Variants in GLIS3 observed in about 807,000 individuals in gnomAD.
GLIS3 encodes the protein GLIS family zinc finger 3, also known as zinc finger protein GLIS3.
A neutral mutation model predicts 78.6 loss-of-function variants in GLIS3; 53 were observed. The observed-to-expected ratio is 0.67, with a 90% CI of 0.54 to 0.85. The LOEUF is 0.85. Among genes scored for constraint, GLIS3 ranks in the 40% least tolerant of loss-of-function variants. The pLI, the probability that GLIS3 is intolerant of heterozygous loss-of-function variation, is 0.00. For synonymous variants in GLIS3, 684 were observed against 509.9 expected (o/e 1.34, Z -4.60); for missense variants, 1,703 against 1,231.1 (o/e 1.38, Z -5.74).
chr9:4,108,402 T>A (rs1447348061), intron 4 of GLIS3, among the ~76,000 whole-genome samples: 2 of 152,122 alleles, frequency 1.3e-5, no homozygotes, highest in Non-Finnish European at 2.9e-5. Context: ...TGAAGCAGCA[T>A]GGAAACTCTG....
In GLIS3 at chr9:3,932,356, T is replaced by C; in HGVS notation, c.1983+4A>G. On this transcript the variant is annotated splice_donor_region_variant and intron_variant, in intron 6 of 10. Transcript: ENST00000381971. ...CCGACTGGAAGATTCTCTTTTAAAA[T>C]TACCTTTTTCCTTGCTTGTTGCTCT... 1 of 1,605,324 alleles carries C rather than the reference T, an allele frequency of 6.2e-7. No individual in the cohort carries two copies. Among genetic ancestry groups the C allele is most frequent in the Non-Finnish European group, 8.5e-7 (1 of 1,172,080 alleles).
At chr9:4,361,748 C>G in the GLIS3 span, among the ~76,000 whole-genome samples, 5 of 152,206 alleles carry the variant, frequency 3.3e-5, no homozygotes, top group African/African-American at 1.2e-4. Context: ...AGGCTCCTAA[C>G]CACCTTTCCT....
intron 2 of GLIS3, among the ~76,000 whole-genome samples, chr9:4,314,335 T>G (rs563676464): frequency 1.3e-5 from 2 of 152,344 alleles, no homozygotes; most frequent in South Asian, 4.1e-4. Flanking sequence ...GTCTTGGCAC[T>G]GTGTAGCTAC....
At chr9:3,869,892 T>C (rs1483972799) in intron 8 of GLIS3, among the ~76,000 whole-genome samples, 1 of 152,176 alleles carries the variant, frequency 6.6e-6, no homozygotes, top group East Asian at 1.9e-4. Flanking sequence ...TCAAGGGAAC[T>C]TGATTTTGTG....
At chr9:3,895,749 A>G (rs1325428763) in intron 7 of GLIS3, among the ~76,000 whole-genome samples, 1 of 152,166 alleles carries the variant, frequency 6.6e-6, no homozygotes, top group Admixed American at 6.5e-5. Context: ...GAATGTTATA[A>G]AGCATCATAT....
chr9:4,217,293 G>A (rs755479236), intron 2 of GLIS3, among the ~76,000 whole-genome samples: 9 of 152,190 alleles, frequency 5.9e-5, no homozygotes, highest in African/African-American at 1.7e-4. Context: ...ATATCTGGTT[G>A]TAAACCATTT....
chr9:4,401,614 C>G, the GLIS3 span, among the ~76,000 whole-genome samples: 43 of 149,896 alleles, frequency 2.9e-4, 1 homozygote, highest in East Asian at 7.9e-3. Context: ...GTCGCCCAGG[C>G]TGGAGTGCAA....
At chr9:4,466,288 T>C in the GLIS3 span, among the ~76,000 whole-genome samples, 3 of 152,102 alleles carry the variant, frequency 2.0e-5, no homozygotes, top group Non-Finnish European at 2.9e-5. Flanking sequence ...CCAATACCAA[T>C]AAAAGAAATT....
rs55846838 is a variant in GLIS3 at position 4,252,914 on chromosome 9, C to G, written c.388+33124G>C. ...AGTTTGCTGGAGCTCCACTCCAGAC[C>G]CTGTTTGCCTGGGTATCACCAGTGG... On this transcript the variant is annotated intron_variant, in intron 2 of 10. Transcript: ENST00000381971. 8.7e-3 allele frequency among the ~76,000 whole-genome samples: 1,318 copies of G among 152,278 alleles called. 12 individuals are homozygous for G. The highest frequency in any genetic ancestry group is 0.012 in the Non-Finnish European group (839 of 68,030).
At chr9:4,003,172 G>A (rs1241812282) in intron 4 of GLIS3, among the ~76,000 whole-genome samples, 1 of 152,116 alleles carries the variant, frequency 6.6e-6, no homozygotes, top group African/African-American at 2.4e-5. Context: ...TTGGGCCCAG[G>A]AGTCTGAGAC....
At chr9:3,904,419 T>C (rs1823522333) in intron 6 of GLIS3, among the ~76,000 whole-genome samples, 1 of 152,206 alleles carries the variant, frequency 6.6e-6, no homozygotes, top group Admixed American at 6.5e-5. Context: ...TTCTGACTTG[T>C]CAGCCCCCAT....
chr9:4,021,308 G>GATTTATAACA (rs1276017018), intron 4 of GLIS3, among the ~76,000 whole-genome samples: 1 of 152,158 alleles, frequency 6.6e-6, no homozygotes, highest in African/African-American at 2.4e-5. Flanking sequence ...ATTTTTAAAT[G>GATTTATAACA]ATTTATAACA....
At chr9:4,156,846 G>C (rs1196626470) in intron 2 of GLIS3, among the ~76,000 whole-genome samples, 1 of 152,082 alleles carries the variant, frequency 6.6e-6, no homozygotes, top group African/African-American at 2.4e-5. Flanking sequence ...CCCTCTCCCA[G>C]CTTAGCTTGC....
At chr9:4,044,424 T>G (rs1054370594) in intron 4 of GLIS3, among the ~76,000 whole-genome samples, 1 of 152,192 alleles carries the variant, frequency 6.6e-6, no homozygotes, top group Non-Finnish European at 1.5e-5. Context: ...TAACACATAG[T>G]CTCTCTCTGG....
At chr9:4,099,159 A>T (rs1830178121) in intron 4 of GLIS3, among the ~76,000 whole-genome samples, 1 of 152,230 alleles carries the variant, frequency 6.6e-6, no homozygotes, top group South Asian at 2.1e-4. Flanking sequence ...TCTGAATTAG[A>T]TTCCTAGGGC....
the GLIS3 span, among the ~76,000 whole-genome samples, chr9:4,456,819 A>T: frequency 6.6e-6 from 1 of 152,232 alleles, no homozygotes; most frequent in African/African-American, 2.4e-5. Context: ...CAGTCAGAAC[A>T]TACATATTTA....
chr9:4,224,839 TA>T (rs1160889681), intron 2 of GLIS3, among the ~76,000 whole-genome samples: 7 of 152,084 alleles, frequency 4.6e-5, no homozygotes, highest in Non-Finnish European at 1.0e-4. Context: ...ATCATTCTTT[TA>T]GTGACTTGCA....
intron 6 of GLIS3, among the ~76,000 whole-genome samples, chr9:3,906,037 A>T (rs1190868502): frequency 6.6e-6 from 1 of 152,218 alleles, no homozygotes; most frequent in Non-Finnish European, 1.5e-5. Flanking sequence ...AAATCTACCG[A>T]GGAAACAAAC....
intron 2 of GLIS3, among the ~76,000 whole-genome samples, chr9:4,258,972 A>G (rs1309241420): frequency 1.3e-5 from 2 of 152,168 alleles, no homozygotes; most frequent in Admixed American, 1.3e-4. Flanking sequence ...AAAGCCCCAG[A>G]AATAACCTAG....
Sources: allele counts gnomAD v4.1 joint callset (sites outside exome capture counted in the v4.1 genomes callset), GRCh38; gene constraint gnomAD v4.1.1; transcripts MANE v1.5; gene names NCBI Gene and HGNC (gene_info 2026-07-23, HGNC 2026-07-21).